Variants in RFTN1 observed in about 807,000 individuals in gnomAD.
RFTN1 encodes the protein raftlin.
Under a neutral mutation model 46.5 loss-of-function variants are expected in RFTN1, and 26 were observed. That is an observed-to-expected ratio of 0.56 (90% CI 0.41 to 0.78). The LOEUF (loss-of-function observed/expected upper bound fraction) is 0.78, where lower values mean the gene tolerates loss of function less well. Ranked by LOEUF, RFTN1 falls within the 30% of genes least tolerant of loss-of-function variation. RFTN1 has a pLI of 0.00. For synonymous variants in RFTN1, 261 were observed against 284.2 expected (o/e 0.92, Z 0.82); for missense variants, 693 against 718.7 (o/e 0.96, Z 0.41).
chr3:16,453,940 A>G (rs2075861975), intron 2 of RFTN1, among the ~76,000 whole-genome samples: 1 of 152,246 alleles, frequency 6.6e-6, no homozygotes, highest in East Asian at 1.9e-4. Context: ...AAATGCAAAT[A>G]ACATGTTATT....
In RFTN1 at chr3:16,410,657, G is replaced by A. The variant is rs150285128; in HGVS notation, c.333-1174C>T. 2.1e-3 allele frequency among the ~76,000 whole-genome samples: 316 copies of A among 152,212 alleles called. 4 individuals are homozygous for A. In the East Asian group the frequency reaches 0.049, roughly 24 times the overall value. ...CTGGGAAAACAGCGTGGGTGTAAAC[G>A]GCTGTCTGAGGTGAAGGCCTGTAGT... On this transcript the variant is annotated intron_variant, in intron 3 of 9. Transcript: ENST00000334133. The surrounding 1 kb of genome is among the most constrained non-coding windows in gnomAD (Gnocchi z 4.6).
At chr3:16,392,409 T>C (rs920210976) in intron 4 of RFTN1, among the ~76,000 whole-genome samples, 6 of 152,138 alleles carry the variant, frequency 3.9e-5, no homozygotes, top group African/African-American at 1.4e-4. Flanking sequence ...TTATCTGTGC[T>C]GGATCCCAGA....
At chr3:16,508,188 C>T (rs1191950762) in intron 1 of RFTN1, among the ~76,000 whole-genome samples, 2 of 152,176 alleles carry the variant, frequency 1.3e-5, no homozygotes, top group African/African-American at 4.8e-5. Context: ...GTACTGTACA[C>T]CCCAGCAGAG....
chr3:16,456,746 G>A (rs571050496), intron 2 of RFTN1, among the ~76,000 whole-genome samples: 56 of 152,284 alleles, frequency 3.7e-4, no homozygotes, highest in African/African-American at 1.3e-3. Context: ...ATCATGGGTC[G>A]TGTAGCCACA....
chr3:16,399,671 T>C (rs713352), intron 4 of RFTN1, among the ~76,000 whole-genome samples: 13,791 of 152,238 alleles, frequency 0.091, 695 homozygotes, highest in Middle Eastern at 0.16. Flanking sequence ...ATTTCATCCA[T>C]GACCGTGGTT....
At position 16,439,956 on chromosome 3, in the gene RFTN1, G is replaced by A. The variant is rs2075590518; in HGVS notation, c.146-5919C>T. Among the ~76,000 whole-genome samples, 2 of 152,194 alleles carry A rather than the reference G, an allele frequency of 1.3e-5. 1 individual carries two copies. Among genetic ancestry groups the A allele is most frequent in the Admixed American group, 1.3e-4 (2 of 15,284 alleles). On this transcript the variant is annotated intron_variant, in intron 2 of 9. Transcript: ENST00000334133. ...ACAAGGAAACGGCATGAGTTATTCTGTAGTTACTTTGGCTTCCTGGCCTTT... is the reference window on the plus strand; with the variant it reads ...ACAAGGAAACGGCATGAGTTATTCTATAGTTACTTTGGCTTCCTGGCCTTT...
In RFTN1 at chr3:16,381,189, T is replaced by C. The variant is rs562763173; in HGVS notation, c.442-3087A>G. Among the ~76,000 whole-genome samples, 1 of 152,284 alleles carries C rather than the reference T, an allele frequency of 6.6e-6. No homozygotes were observed. Among genetic ancestry groups the C allele is most frequent in the East Asian group, 1.9e-4 (1 of 5,190 alleles). ...ATGACAACTATGTAATACACATACA[T>C]AAACTATGCATAAAAACAGTCACCA... is the stretch of plus-strand genomic sequence containing the variant. On this transcript the variant is annotated intron_variant, in intron 4 of 9. Coordinates refer to ENST00000334133, the MANE Select transcript of RFTN1 (RefSeq NM_015150.2). This position sits in a 1 kb window ranked among gnomAD's most constrained non-coding sequence, Gnocchi z 4.2.
intron 7 of RFTN1, among the ~76,000 whole-genome samples, chr3:16,328,090 C>T (rs2069913300): frequency 2.0e-5 from 3 of 152,246 alleles, no homozygotes; most frequent in Admixed American, 6.5e-5. Context: ...GGCACAGCCC[C>T]GGCCCCTGGA....
intron 7 of RFTN1, among the ~76,000 whole-genome samples, chr3:16,328,662 C>A (rs1053723486): frequency 6.6e-6 from 1 of 152,326 alleles, no homozygotes; most frequent in African/African-American, 2.4e-5. Flanking sequence ...TTGTTAGAAG[C>A]CCAGATTCTC....
In RFTN1 at chr3:16,422,619, G is replaced by C. The variant is rs1197503687; in HGVS notation, c.332+11232C>G. Among the ~76,000 whole-genome samples, 2 of 150,020 alleles carry C rather than the reference G, an allele frequency of 1.3e-5. No homozygotes were observed. Among genetic ancestry groups the C allele is most frequent in the Non-Finnish European group, 3.0e-5 (2 of 67,620 alleles). The stretch of plus-strand genomic sequence containing the variant: ...GCACTCCAGCCTGGTGACAAAGCGA[G>C]ACTCCGTCTAAAAAAAAAAAAGAAT... On this transcript the variant is annotated intron_variant, in intron 3 of 9. Coordinates refer to ENST00000334133, the MANE Select transcript of RFTN1 (RefSeq NM_015150.2). This position sits in a 1 kb window ranked among gnomAD's most constrained non-coding sequence, Gnocchi z 4.6.
chr3:16,418,441 A>G lies in RFTN1; in HGVS notation c.333-8958T>C, dbSNP rs894587934. On this transcript the variant is annotated intron_variant, in intron 3 of 9. Transcript: ENST00000334133. This position sits in a 1 kb window ranked among gnomAD's most constrained non-coding sequence, Gnocchi z 5.0. ...TTCCCAGGACAACAGGCAGTTATGA[A>G]AAGGAGAGAGAATGTGCAGTTCATC... is the stretch of plus-strand genomic sequence containing the variant. Among the ~76,000 whole-genome samples the G allele has an allele frequency of 6.6e-6, 1 of 152,188 alleles. No homozygotes were observed. The highest frequency in any genetic ancestry group is 1.5e-5 in the Non-Finnish European group (1 of 68,032).
In RFTN1 at chr3:16,509,228, G is replaced by T. The variant is rs1342318784; in HGVS notation, c.-9+4214C>A. Among the ~76,000 whole-genome samples the T allele has an allele frequency of 6.6e-6, 1 of 152,112 alleles. No homozygotes were observed. ...ACAACAAAAAAAAACTAAAGAAAATGATTGCAGTGTATCATTTCCTGTAAC... is the reference window on the plus strand; with the variant it reads ...ACAACAAAAAAAAACTAAAGAAAATTATTGCAGTGTATCATTTCCTGTAAC... On this transcript the variant is annotated intron_variant, in intron 1 of 9. Transcript: ENST00000334133. The surrounding 1 kb of genome is among the most constrained non-coding windows in gnomAD (Gnocchi z 4.9).
At chr3:16,349,207 A>G (rs2071929183) in intron 7 of RFTN1, 1 of 152,268 alleles carries the variant, frequency 6.6e-6, no homozygotes, top group Non-Finnish European at 1.5e-5. Context: ...CTCCAGAGAC[A>G]AGAAGAAAAA....
intron 4 of RFTN1, among the ~76,000 whole-genome samples, chr3:16,396,675 G>C (rs1460926616): frequency 6.6e-6 from 1 of 152,148 alleles, no homozygotes; most frequent in East Asian, 1.9e-4. Flanking sequence ...AGGAAGATTT[G>C]TTTTAATGGA....
Position 16,351,450 on chromosome 3 carries a change from C to A in RFTN1, c.1146+6482G>T, listed in dbSNP as rs2125319854. Among the ~76,000 whole-genome samples, 1 of 152,266 alleles carries A rather than the reference C, an allele frequency of 6.6e-6. No individual in the cohort carries two copies. The highest frequency in any genetic ancestry group is 2.4e-5 in the African/African-American group (1 of 41,550). On this transcript the variant is annotated intron_variant, in intron 7 of 9. Transcript: ENST00000334133. The surrounding 1 kb of genome is among the most constrained non-coding windows in gnomAD (Gnocchi z 5.4). ...TGAAATAAAATGGGGGTTAACTCAA[C>A]AAAAGATTGAATACGCAGGCAGAGA... is the stretch of plus-strand genomic sequence containing the variant.
At chr3:16,318,209 T>C (rs1366185906) in intron 9 of RFTN1, among the ~76,000 whole-genome samples, 6 of 152,216 alleles carry the variant, frequency 3.9e-5, no homozygotes, top group African/African-American at 1.4e-4. Flanking sequence ...TTTCTCAATC[T>C]GAATTTCTCA....
At chr3:16,339,115 G>T (rs189314358) in intron 7 of RFTN1, among the ~76,000 whole-genome samples, 73 of 152,310 alleles carry the variant, frequency 4.8e-4, no homozygotes, top group Admixed American at 5.9e-4. Context: ...ACTCACTAAG[G>T]AAGGGATTGG....
In RFTN1 at chr3:16,473,666, C is replaced by G. The variant is rs540019026; in HGVS notation, c.145+20059G>C. On this transcript the variant is annotated intron_variant, in intron 2 of 9. Transcript: ENST00000334133. The surrounding 1 kb of genome is among the most constrained non-coding windows in gnomAD (Gnocchi z 5.3). ...AGGCAATCCACCCGCCTTGGCCTCCCAAAGTGCTAAGATTACAGTTGTGAG... is the reference window on the plus strand; with the variant it reads ...AGGCAATCCACCCGCCTTGGCCTCCGAAAGTGCTAAGATTACAGTTGTGAG... Among the ~76,000 whole-genome samples, 22 of 152,308 alleles carry G rather than the reference C, an allele frequency of 1.4e-4. No homozygotes were observed. Among genetic ancestry groups the G allele is most frequent in the African/African-American group, 5.3e-4 (22 of 41,562 alleles).
At chr3:16,393,538 A>C (rs547910975) in intron 4 of RFTN1, among the ~76,000 whole-genome samples, 1 of 152,200 alleles carries the variant, frequency 6.6e-6, no homozygotes, top group Admixed American at 6.5e-5. Flanking sequence ...TACGTTCAAG[A>C]TCTCTCACAA....
Sources: gnomAD v4.1 joint callset for allele counts (sites outside exome capture counted in the v4.1 genomes callset) on GRCh38, gnomAD v4.1.1 for gene constraint, Gnocchi (gnomAD v3.1) non-coding constraint, MANE v1.5 for transcripts, NCBI Gene and HGNC (gene_info 2026-07-23, HGNC 2026-07-21) for gene names.